Variants in SBNO1 observed in about 807,000 individuals in gnomAD.
SBNO1 encodes strawberry notch homolog 1.
In SBNO1, 23 loss-of-function variants were observed where a neutral mutation model predicts 173.6. The ratio of observed to expected loss-of-function variants is 0.13; its 90% CI spans 0.10 to 0.19. SBNO1 has a LOEUF of 0.19. SBNO1 is among the 10% of genes least tolerant of loss of function. SBNO1 has a pLI of 1.00. For missense variants in SBNO1, 1,238 were observed against 1,671.2 expected (o/e 0.74, Z 4.52); for synonymous variants, 632 against 571.5 (o/e 1.11, Z -1.51).
chr12:123,306,915 A>AG lies in SBNO1; in HGVS notation c.3631-2197dup, dbSNP rs1053877749. 8.1e-4 allele frequency among the ~76,000 whole-genome samples: 123 copies of AG among 151,298 alleles called. 1 individual carries two copies. The highest frequency in any genetic ancestry group is 2.9e-3 in the African/African-American group (120 of 41,342). On this transcript the variant is annotated intron_variant, in intron 28 of 31. Transcript: ENST00000602398. ...AACCCCAAAACCAGCAAGGCACAGT[A>AG]GCTCACAACTGTAATCCAGCACTTT...
At position 123,318,206 on chromosome 12, in the gene SBNO1, G is replaced by A. The variant is rs945289429; in HGVS notation, c.2800-850C>T. Among the ~76,000 whole-genome samples the A allele has an allele frequency of 1.4e-4, 21 of 152,292 alleles. No homozygotes were observed. In the East Asian group the frequency reaches 1.9e-3, roughly 14 times the overall value. On this transcript the variant is annotated intron_variant, in intron 20 of 31. Coordinates refer to ENST00000602398, the MANE Select transcript of SBNO1 (RefSeq NM_001167856.3). ...TGTAATCCTAGTACTTTGAGAGGCCGAGGCAGACGGATCATTTGAGGTCAG... is the reference window on the plus strand; with the variant it reads ...TGTAATCCTAGTACTTTGAGAGGCCAAGGCAGACGGATCATTTGAGGTCAG...
chr12:123,324,940 G>A (rs1593365348), intron 15 of SBNO1, among the ~76,000 whole-genome samples: 1 of 151,978 alleles, frequency 6.6e-6, no homozygotes, highest in Admixed American at 6.6e-5. Context: ...TCCCAGGTAG[G>A]TGGGACTACA....
intron 15 of SBNO1, 136 bp downstream of exon 15, chr12:123,325,366 A>G: frequency 1.6e-6 from 1 of 632,000 alleles, no homozygotes; most frequent in East Asian, 2.6e-5. Flanking sequence ...ACAGAAAAGC[A>G]GAAAACTCAG....
Position 123,364,685 on chromosome 12 carries a change from CAAGGG to C in SBNO1, c.-1+11_-1+15del. Reference sequence around the variant, plus strand: ...GGGGAGTGTGGAAGGAGAAAAGGGCCAAGGGAAGGACTTACTTTCCCCGCGGGACC... The same window carrying C: ...GGGGAGTGTGGAAGGAGAAAAGGGCCAAGGACTTACTTTCCCCGCGGGACC... On this transcript the variant is annotated intron_variant, in intron 1 of 31. Transcript: ENST00000602398. 2.0e-6 allele frequency: 2 copies of C among 980,038 alleles called. No homozygotes were observed. Among genetic ancestry groups the C allele is most frequent in the Non-Finnish European group, 2.4e-6 (2 of 827,618 alleles). The allele number at this position is 980,038 out of a possible 1,614,324, so 60.7% of individuals were successfully genotyped here.
intron 15 of SBNO1, among the ~76,000 whole-genome samples, chr12:123,324,518 C>T (rs1870382436): frequency 6.6e-6 from 1 of 152,010 alleles, no homozygotes; most frequent in Non-Finnish European, 1.5e-5. Flanking sequence ...GACGAGGTTT[C>T]ACCGTGTTGG....
Position 123,327,697 on chromosome 12 carries a change from A to G in SBNO1, c.1538+10T>C. The G allele has an allele frequency of 1.2e-6, 2 of 1,605,156 alleles. No homozygotes were observed. Among genetic ancestry groups the G allele is most frequent in the Non-Finnish European group, 1.7e-6 (2 of 1,172,086 alleles). The stretch of plus-strand genomic sequence containing the variant: ...CTACTGAGAAGAGTATATACCGTAA[A>G]CTGCATTACCTCCGTTCTACTGCTT... On this transcript the variant is annotated intron_variant, in intron 12 of 31. Coordinates refer to ENST00000602398, the MANE Select transcript of SBNO1 (RefSeq NM_001167856.3).
In SBNO1 at chr12:123,343,831, C is replaced by T. The variant is rs1447428586; in HGVS notation, c.550+1427G>A. ...GATTACAGGCATGAGCCACCGCGTCCGGCCCATCTTTGTTTCTTAGTCCTG... is the reference window on the plus strand; with the variant it reads ...GATTACAGGCATGAGCCACCGCGTCTGGCCCATCTTTGTTTCTTAGTCCTG... On this transcript the variant is annotated intron_variant, in intron 4 of 31. Transcript: ENST00000602398. 3.3e-5 allele frequency among the ~76,000 whole-genome samples: 5 copies of T among 152,140 alleles called. No individual in the cohort carries two copies. In the East Asian group the frequency reaches 5.8e-4, roughly 18 times the overall value.
At chr12:123,355,932 A>C (rs1874413527) in intron 1 of SBNO1, among the ~76,000 whole-genome samples, 1 of 152,234 alleles carries the variant, frequency 6.6e-6, no homozygotes, top group South Asian at 2.1e-4. Flanking sequence ...ATACTGAGAA[A>C]CAATAGCCAA....
chr12:123,329,602 A>T (rs1053701854), intron 9 of SBNO1, among the ~76,000 whole-genome samples: 6 of 152,120 alleles, frequency 3.9e-5, no homozygotes, highest in African/African-American at 1.4e-4. Context: ...ATTTAAAAAA[A>T]AAATTCTAGA....
intron 28 of SBNO1, among the ~76,000 whole-genome samples, chr12:123,306,349 ATGG>A (rs1260208231): frequency 6.6e-6 from 1 of 152,176 alleles, no homozygotes; most frequent in Non-Finnish European, 1.5e-5. Context: ...ACTGAAAAGT[ATGG>A]TGGCCTAATG....
rs977725121 is a variant in SBNO1 at position 123,325,701 on chromosome 12, A to G, written c.1876-102T>C. ...AGCTAAACAAAGATTTCAAACAAGAATGTCCTCATTATTATAAAACACAAA... is the reference window on the plus strand; with the variant it reads ...AGCTAAACAAAGATTTCAAACAAGAGTGTCCTCATTATTATAAAACACAAA... On this transcript the variant is annotated intron_variant, in intron 14 of 31. Transcript: ENST00000602398. The G allele has an allele frequency of 1.1e-4, 87 of 791,804 alleles. 1 individual carries two copies. The highest frequency in any genetic ancestry group is 2.3e-5 in the Non-Finnish European group (11 of 474,230). 49.0% of individuals were successfully genotyped at this position (791,804 alleles called of 1,614,324 possible). A position where few individuals can be genotyped will look rare whatever the true frequency, so the allele number is the denominator to read the frequency against.
At chr12:123,330,038 A>C (rs1871037004) in intron 9 of SBNO1, among the ~76,000 whole-genome samples, 1 of 152,208 alleles carries the variant, frequency 6.6e-6, no homozygotes, top group African/African-American at 2.4e-5. Context: ...ATCGCATATG[A>C]TTTGGTGACC....
chr12:123,357,481 G>A (rs893503220), intron 1 of SBNO1, among the ~76,000 whole-genome samples: 4 of 151,970 alleles, frequency 2.6e-5, no homozygotes, highest in South Asian at 2.1e-4. Flanking sequence ...GGTGGCTCAC[G>A]CCTGTAATTC....
At chr12:123,312,766 A>G (rs1007948956) in intron 24 of SBNO1, among the ~76,000 whole-genome samples, 1 of 152,056 alleles carries the variant, frequency 6.6e-6, no homozygotes, top group Non-Finnish European at 1.5e-5. Flanking sequence ...CTAAGCTATG[A>G]GCCACATGTA....
rs1012653117 is a variant in SBNO1, at chr12:123,291,868, T to A, written c.*4040A>T. 2 of 151,988 alleles carry A rather than the reference T, an allele frequency of 1.3e-5. No homozygotes were observed. Among genetic ancestry groups the A allele is most frequent in the African/African-American group, 2.4e-5 (1 of 41,366 alleles). 9.4% of individuals were successfully genotyped at this position (151,988 alleles called of 1,614,324 possible). A position where few individuals can be genotyped will look rare whatever the true frequency, so the allele number is the denominator to read the frequency against. On this transcript the variant is annotated 3_prime_UTR_variant, in exon 32 of 32. Coordinates refer to ENST00000602398, the MANE Select transcript of SBNO1 (RefSeq NM_001167856.3). The stretch of plus-strand genomic sequence containing the variant: ...ATATATACATTTATGTACATATATA[T>A]AAATACAGCACAAAATTAGAGGGTG...
intron 5 of SBNO1, among the ~76,000 whole-genome samples, chr12:123,339,018 G>A (rs997690135): frequency 1.3e-5 from 2 of 150,826 alleles, no homozygotes; most frequent in East Asian, 3.9e-4. Context: ...GGTATATAAT[G>A]GACTGAAATG....
Position 123,328,905 on chromosome 12 carries a change from A to T in SBNO1, c.1135-10T>A. ...TTTTTCCGTATTTAAACTAAAAAAG[A>T]AAAGAAAAGAATTTAGTTAATTAGT... On this transcript the variant is annotated splice_polypyrimidine_tract_variant and intron_variant, in intron 9 of 31. Transcript: ENST00000602398. The T allele has an allele frequency of 6.8e-7, 1 of 1,465,178 alleles. No homozygotes were observed. The allele number at this position is 1,465,178 out of a possible 1,614,324, so 90.8% of individuals were successfully genotyped here. A position where few individuals can be genotyped will look rare whatever the true frequency, so the allele number is the denominator to read the frequency against.
intron 28 of SBNO1, among the ~76,000 whole-genome samples, chr12:123,308,485 A>G (rs573637610): frequency 2.7e-4 from 41 of 152,000 alleles, no homozygotes; most frequent in Non-Finnish European, 4.4e-4. Flanking sequence ...CTTGGCTAAC[A>G]CGGTGAAACC....
chr12:123,348,087 G>C lies in SBNO1; in HGVS notation c.179C>G (p.Ala60Gly), dbSNP rs1873425765. 4 of 1,611,662 alleles carry C rather than the reference G, an allele frequency of 2.5e-6. No homozygotes were observed. The East Asian group carries it at 8.9e-5, about 36-fold the overall frequency. The change falls in exon 3 of 32, where the codon GCA (alanine) becomes GGA (glycine). Residue 60 changes from alanine to glycine, a missense_variant. This residue lies in a region of SBNO1 where 287 missense variants were observed against 274.1 expected (regional missense o/e 1.05). Coordinates refer to ENST00000602398, the MANE Select transcript of SBNO1 (RefSeq NM_001167856.3). ...ALELGLETEA[A>G]VPVKQEPETV... The stretch of plus-strand genomic sequence containing the variant: ...CTCTGGTTCTTGTTTAACAGGAACT[G>C]CTGCTTCGGTCTCCAAACCTAGTTC...
Sources: allele counts gnomAD v4.1 joint callset (sites outside exome capture counted in the v4.1 genomes callset), GRCh38; gene constraint gnomAD v4.1.1; regional missense constraint gnomAD v4.1.1; transcripts MANE v1.5; gene names NCBI Gene and HGNC (gene_info 2026-07-23, HGNC 2026-07-21).